NBPF12: variants seen among roughly 807,000 people sequenced by gnomAD.
The protein encoded by NBPF12 is NBPF family member NBPF12.
A neutral mutation model predicts 146.4 loss-of-function variants in NBPF12; 115 were observed. The ratio of observed to expected loss-of-function variants is 0.79; its 90% CI spans 0.68 to 0.92. The LOEUF (loss-of-function observed/expected upper bound fraction) is 0.92, where lower values mean the gene tolerates loss of function less well. Ranked by LOEUF, NBPF12 falls within the 40% of genes least tolerant of loss-of-function variation. The probability of loss-of-function intolerance (pLI) is 0.00; values close to 1 mark genes in which losing one functional copy is unlikely to be tolerated. For synonymous variants in NBPF12, 385 were observed against 508.9 expected, an observed-to-expected ratio of 0.76 and a Z score of 3.28; for missense variants, 1,205 against 1,326.8, an observed-to-expected ratio of 0.91 and a Z score of 1.43.
At chr1:146,964,806 C>T (rs1253893355) in intron 7 of NBPF12, 87 bp from the exon 11 acceptor site, 14 of 1,593,648 alleles carry the variant, frequency 8.8e-6, no homozygotes, top group Non-Finnish European at 1.2e-5. Context: ...TCTCTTAATG[C>T]CGCCTGTCAA....
chr1:146,992,211 C>T lies in NBPF12; in HGVS notation c.3848+165C>T, dbSNP rs1268614435. Among the ~76,000 whole-genome samples, 16 of 134,046 alleles carry T rather than the reference C, an allele frequency of 1.2e-4. 4 individuals carry two copies. The highest frequency in any genetic ancestry group is 2.2e-4 in the South Asian group (1 of 4,458). 87.9% of individuals were successfully genotyped at this position (134,046 alleles called of 152,430 possible). A position where few individuals can be genotyped will look rare whatever the true frequency, so the allele number is the denominator to read the frequency against. ...TTCATTGCAGTAGATACTTAGGTTT[C>T]CATTTCTTCCTCCCCTTATCATTTA... is the stretch of plus-strand genomic sequence containing the variant. On this transcript the variant is annotated intron_variant, in intron 31 of 33. Coordinates refer to ENST00000617844, the Ensembl canonical transcript of NBPF12.
chr1:146,957,935 C>A lies in NBPF12; in HGVS notation c.-183-1924C>A, dbSNP rs1225524875. 2.7e-5 allele frequency among the ~76,000 whole-genome samples: 3 copies of A among 111,410 alleles called. 1 individual carries two copies. The highest frequency in any genetic ancestry group is 3.3e-4 in the East Asian group (1 of 3,000). The allele number at this position is 111,410 out of a possible 152,430, so 73.1% of individuals were successfully genotyped here. A position where few individuals can be genotyped will look rare whatever the true frequency, so the allele number is the denominator to read the frequency against. On this transcript the variant is annotated intron_variant, in intron 2 of 33. Coordinates refer to ENST00000617844, the Ensembl canonical transcript of NBPF12. ...TATATACACGTATATAATATATATT[C>A]GTGTGTGTATATATATTTTATATAT...
At chr1:146,980,107 G>A (rs1657274203) in intron 19 of NBPF12, among the ~76,000 whole-genome samples, 1 of 151,478 alleles carries the variant, frequency 6.6e-6, no homozygotes, top group Non-Finnish European at 1.5e-5. Context: ...TTGGTTTAAA[G>A]TCTGTTTTAT....
chr1:146,946,994 C>T (rs1387903640), upstream of NBPF12, among the ~76,000 whole-genome samples: 2 of 151,934 alleles, frequency 1.3e-5, no homozygotes, highest in African/African-American at 4.8e-5. Context: ...TGTATGTAGG[C>T]CTGCTTCTGG....
At position 146,959,197 on chromosome 1, in the gene NBPF12, C is replaced by T. The variant is rs1429726587; in HGVS notation, c.-183-662C>T. Reference sequence around the variant, plus strand: ...CCCACCTGAGTAAAGAGAAGTCGGCCGTGTGCGGTGGCTCACGCCTGTAAT... The same window carrying T: ...CCCACCTGAGTAAAGAGAAGTCGGCTGTGTGCGGTGGCTCACGCCTGTAAT... On this transcript the variant is annotated intron_variant, in intron 2 of 33. Coordinates refer to ENST00000617844, the Ensembl canonical transcript of NBPF12. Among the ~76,000 whole-genome samples the T allele has an allele frequency of 2.0e-4, 18 of 90,786 alleles. 5 individuals carry two copies. The highest frequency in any genetic ancestry group is 1.2e-3 in the Admixed American group (10 of 8,260). The allele number at this position is 90,786 out of a possible 152,430, so 59.6% of individuals were successfully genotyped here.
chr1:146,994,769 G>A, exon 34 of NBPF12: 2 of 946,800 alleles, frequency 2.1e-6, no homozygotes, highest in Non-Finnish European at 1.5e-6. Flanking sequence ...CACGTTAGGT[G>A]TGACACGTTC....
chr1:146,962,269 G>A lies in NBPF12; in HGVS notation c.278+6G>A. The stretch of plus-strand genomic sequence containing the variant: ...AAACAAGCTGAGGAGCTCAGGTGAG[G>A]GGACCCCATGGGGGGAGGCAGGCGG... On this transcript the variant is annotated splice_donor_region_variant and intron_variant, in intron 5 of 33. Transcript: ENST00000617844. 1.2e-6 allele frequency: 2 copies of A among 1,601,968 alleles called. No individual in the cohort carries two copies. Among genetic ancestry groups the A allele is most frequent in the South Asian group, 2.2e-5 (2 of 90,922 alleles).
In NBPF12 at chr1:146,994,650, A is replaced by G. The variant is rs1241445760; in HGVS notation, c.*75A>G. 7.1e-5 allele frequency: 112 copies of G among 1,577,726 alleles called. 2 individuals carry two copies. The highest frequency in any genetic ancestry group is 7.0e-4 in the Middle Eastern group (3 of 4,288). ...GGCACCTGAAGATTTGAATGAAACT[A>G]TAGTTCCATTTGGAAGCCCAGACAT... On this transcript the variant is annotated 3_prime_UTR_variant, in exon 34 of 34. Coordinates refer to ENST00000617844, the Ensembl canonical transcript of NBPF12.
rs1654656659 is a variant in NBPF12, at chr1:146,939,027, T to TGCGG, written c.-822+49_-822+52dup. ...CCGGGCGGCAGGTGAGTCTGGGACCTGCGGGCGCACAGCTGGGCTGAGGCG... is the reference window on the plus strand; with the variant it reads ...CCGGGCGGCAGGTGAGTCTGGGACCTGCGGGCGGGCGCACAGCTGGGCTGAGGCG... On this transcript the variant is annotated intron_variant, in intron 1 of 35. Transcript: ENST00000617931. The TGCGG allele has an allele frequency of 6.6e-6, 1 of 152,220 alleles. No homozygotes were observed. The highest frequency in any genetic ancestry group is 6.5e-5 in the Admixed American group (1 of 15,284). 9.4% of individuals were successfully genotyped at this position (152,220 alleles called of 1,614,324 possible).
chr1:146,955,795 C>T (rs1400732549), intron 2 of NBPF12, among the ~76,000 whole-genome samples: 1 of 151,610 alleles, frequency 6.6e-6, no homozygotes, highest in Non-Finnish European at 1.5e-5. Flanking sequence ...CCCTTCAGAT[C>T]TCCAATAAAC....
Position 146,970,539 on chromosome 1 carries a change from T to C in NBPF12, c.1307-108T>C. 2.9e-6 allele frequency: 4 copies of C among 1,395,584 alleles called. 1 individual carries two copies. In the Admixed American group the frequency reaches 6.8e-5, roughly 24 times the overall value. The allele number at this position is 1,395,584 out of a possible 1,614,324, so 86.5% of individuals were successfully genotyped here. On this transcript the variant is annotated intron_variant, in intron 11 of 33. Coordinates refer to ENST00000617844, the Ensembl canonical transcript of NBPF12. ...AAAGATAAAACATGAGAGTTTTCAGTACAATGCTGAACCATACATAGATGT... is the reference window on the plus strand; with the variant it reads ...AAAGATAAAACATGAGAGTTTTCAGCACAATGCTGAACCATACATAGATGT...
chr1:146,967,750 C>G (rs1312146901), intron 9 of NBPF12, among the ~76,000 whole-genome samples: 2 of 150,316 alleles, frequency 1.3e-5, no homozygotes, highest in South Asian at 2.1e-4. Flanking sequence ...ACAATAATAC[C>G]TACCTCTGTA....
chr1:146,954,994 A>G (rs1414981292), intron 2 of NBPF12, among the ~76,000 whole-genome samples: 1 of 77,862 alleles, frequency 1.3e-5, no homozygotes, highest in Non-Finnish European at 2.4e-5. Flanking sequence ...ATATATATAT[A>G]TATATATATA....
At chr1:146,953,546 T>G (rs1179234200) in intron 2 of NBPF12, among the ~76,000 whole-genome samples, 1 of 145,684 alleles carries the variant, frequency 6.9e-6, no homozygotes. Context: ...TTATATATTA[T>G]CAGGGCAAAA....
intron 12 of NBPF12, among the ~76,000 whole-genome samples, 166 bp from the exon 16 acceptor site, chr1:146,971,017 C>G (rs1240373946): frequency 4.0e-5 from 6 of 151,440 alleles, no homozygotes; most frequent in African/African-American, 1.5e-4. Flanking sequence ...CAGCCATGCT[C>G]TGTTGCAGAG....
intron 7 of NBPF12, among the ~76,000 whole-genome samples, chr1:146,964,673 G>C (rs1656078238): frequency 6.6e-6 from 1 of 151,948 alleles, no homozygotes; most frequent in South Asian, 2.1e-4. Flanking sequence ...TATCTGTCCA[G>C]TGCACTGAAC....
chr1:146,963,913 G>A (rs1333069683), intron 6 of NBPF12, among the ~76,000 whole-genome samples: 2 of 142,228 alleles, frequency 1.4e-5, no homozygotes, highest in East Asian at 4.0e-4. Flanking sequence ...GAATAACACA[G>A]CAGAAGCCAC....
rs1332672785 is a variant in NBPF12, at chr1:146,972,101, A to G, written c.1592-650A>G. 3.4e-5 allele frequency among the ~76,000 whole-genome samples: 5 copies of G among 149,126 alleles called. 1 individual carries two copies. The highest frequency in any genetic ancestry group is 1.0e-4 in the African/African-American group (4 of 39,644). On this transcript the variant is annotated intron_variant, in intron 13 of 33. Transcript: ENST00000617844. ...AGACTCCATCTAAAAAAAAAAAAAA[A>G]AAGTAAGTCTCTGACCAGGGGCGCT...
chr1:146,982,409 C>T (rs1657452954), intron 19 of NBPF12, among the ~76,000 whole-genome samples: 1 of 150,068 alleles, frequency 6.7e-6, no homozygotes, highest in Non-Finnish European at 1.5e-5. Flanking sequence ...GTGTTTAAAT[C>T]CAGGGAGAGA....
Sources: gnomAD v4.1 joint callset for allele counts (sites outside exome capture counted in the v4.1 genomes callset) on GRCh38, gnomAD v4.1.1 for gene constraint, MANE v1.5 for transcripts, NCBI Gene and HGNC (gene_info 2026-07-23, HGNC 2026-07-21) for gene names.